GRM8: variants seen among roughly 807,000 people sequenced by gnomAD.
The protein encoded by GRM8 is glutamate metabotropic receptor 8, also known as metabotropic glutamate receptor 8.
In GRM8, 47 loss-of-function variants were observed where a neutral mutation model predicts 87.2. That is an observed-to-expected ratio of 0.54 (90% CI 0.43 to 0.69). GRM8 has a LOEUF of 0.69. GRM8 is among the 30% of genes least tolerant of loss of function. GRM8 has a pLI of 0.00. For missense variants in GRM8, 1,019 were observed against 1,139.2 expected (o/e 0.89, Z 1.52); for synonymous variants, 396 against 404.5 (o/e 0.98, Z 0.25).
At chr7:127,216,025 G>T (rs908173929) in intron 2 of GRM8, among the ~76,000 whole-genome samples, 1 of 152,162 alleles carries the variant, frequency 6.6e-6, no homozygotes, top group Non-Finnish European at 1.5e-5. Context: ...TTATGCCAAA[G>T]GATCAAATAA....
chr7:126,444,590 T>A (rs1801805861), intron 10 of GRM8, among the ~76,000 whole-genome samples: 1 of 152,082 alleles, frequency 6.6e-6, no homozygotes, highest in South Asian at 2.1e-4. Context: ...CTGAAACCAA[T>A]ATGTCTAATT....
At chr7:127,216,517 C>CAAAA (rs58730624) in intron 2 of GRM8, among the ~76,000 whole-genome samples, 2,667 of 62,892 alleles carry the variant, frequency 0.042, 210 homozygotes, top group Non-Finnish European at 0.067. Flanking sequence ...GACTCCGTCT[C>CAAAA]AAAAAAAAAA....
At chr7:126,655,610 T>C (rs1159114409) in intron 7 of GRM8, among the ~76,000 whole-genome samples, 1 of 152,222 alleles carries the variant, frequency 6.6e-6, no homozygotes, top group Non-Finnish European at 1.5e-5. Flanking sequence ...TTATCTCTGA[T>C]GGATACTATC....
intron 7 of GRM8, among the ~76,000 whole-genome samples, chr7:126,631,999 A>C (rs998814412): frequency 2.6e-5 from 4 of 152,232 alleles, no homozygotes; most frequent in Non-Finnish European, 5.9e-5. Flanking sequence ...AATCATCAAA[A>C]GCAATTGCAA....
At chr7:126,657,437 T>C (rs4380862) in intron 7 of GRM8, among the ~76,000 whole-genome samples, 104,695 of 151,626 alleles carry the variant, frequency 0.69, 36,957 homozygotes, top group African/African-American at 0.84. Context: ...AAAAGTCACA[T>C]ACAATTCCAA....
chr7:126,903,138 G>A (rs1439788131), intron 5 of GRM8, among the ~76,000 whole-genome samples: 3 of 152,086 alleles, frequency 2.0e-5, no homozygotes, highest in Non-Finnish European at 2.9e-5. Context: ...TCTGTTTTCA[G>A]GTAATTCAAT....
intron 2 of GRM8, among the ~76,000 whole-genome samples, chr7:127,108,134 G>A (rs1825991508): frequency 6.6e-6 from 1 of 152,084 alleles, no homozygotes; most frequent in South Asian, 2.1e-4. Context: ...TGCCTTCTCT[G>A]CCAGATATAC....
intron 7 of GRM8, among the ~76,000 whole-genome samples, chr7:126,710,937 C>T (rs1563113556): frequency 6.6e-6 from 1 of 152,182 alleles, no homozygotes; most frequent in Non-Finnish European, 1.5e-5. Flanking sequence ...TTTTGGGAGG[C>T]CAAGGCAGGT....
At chr7:126,974,232 A>T (rs189302055) in intron 3 of GRM8, among the ~76,000 whole-genome samples, 2 of 152,318 alleles carry the variant, frequency 1.3e-5, no homozygotes, top group East Asian at 3.9e-4. Context: ...AAAAGGCCCA[A>T]ATCTGAAACA....
chr7:126,963,564 T>C (rs1347527167), intron 3 of GRM8, among the ~76,000 whole-genome samples: 1 of 152,134 alleles, frequency 6.6e-6, no homozygotes, highest in Non-Finnish European at 1.5e-5. Context: ...GAACTCCCAT[T>C]CACAATTGCT....
intron 3 of GRM8, among the ~76,000 whole-genome samples, chr7:127,076,552 G>A (rs117735417): frequency 0.01 from 1,596 of 152,100 alleles, 11 homozygotes; most frequent in Non-Finnish European, 0.013. Context: ...TTATTCCTAA[G>A]TTTCCTCCAT....
At chr7:126,843,022 A>G (rs1796412878) in intron 6 of GRM8, among the ~76,000 whole-genome samples, 1 of 152,224 alleles carries the variant, frequency 6.6e-6, no homozygotes, top group Admixed American at 6.5e-5. Flanking sequence ...TAATTTGCAA[A>G]CAATTGTTCA....
intron 3 of GRM8, among the ~76,000 whole-genome samples, chr7:127,001,334 A>G (rs1290545819): frequency 6.6e-6 from 1 of 151,668 alleles, no homozygotes; most frequent in African/African-American, 2.4e-5. Flanking sequence ...GTGATAAATT[A>G]TATCAATTCG....
chr7:127,081,321 T>C (rs1822845526), intron 3 of GRM8, among the ~76,000 whole-genome samples: 2 of 152,172 alleles, frequency 1.3e-5, no homozygotes, highest in South Asian at 4.1e-4. Flanking sequence ...GGATGGTCCC[T>C]AGAGCCCTTT....
intron 7 of GRM8, among the ~76,000 whole-genome samples, chr7:126,730,732 G>C (rs1813496003): frequency 6.6e-6 from 1 of 151,942 alleles, no homozygotes; most frequent in African/African-American, 2.4e-5. Context: ...TAAATATGAG[G>C]CTCAATATGG....
chr7:126,870,056 G>A (rs1798958436), intron 6 of GRM8: 1 of 151,010 alleles, frequency 6.6e-6, no homozygotes, highest in South Asian at 2.1e-4. Flanking sequence ...AAAACTTGCT[G>A]AAGTTTGTAC....
chr7:127,046,505 T>TA (rs1818946593), intron 3 of GRM8, among the ~76,000 whole-genome samples: 1 of 152,236 alleles, frequency 6.6e-6, no homozygotes, highest in South Asian at 2.1e-4. Context: ...TCGCTGTGCC[T>TA]CAGTTTTCTC....
chr7:126,750,867 A>AAT (rs1480327273), intron 7 of GRM8, among the ~76,000 whole-genome samples: 10 of 152,076 alleles, frequency 6.6e-5, no homozygotes, highest in Non-Finnish European at 1.5e-4. Context: ...TAGAGGTGGT[A>AAT]TACCTTAATT....
chr7:127,096,558 T>TAA (rs11315693), intron 3 of GRM8, among the ~76,000 whole-genome samples: 4 of 140,506 alleles, frequency 2.8e-5, no homozygotes, highest in African/African-American at 1.1e-4. Flanking sequence ...AGACTGGGTC[T>TAA]AAAAAAAAAA....
Sources: gnomAD v4.1 joint callset for allele counts (sites outside exome capture counted in the v4.1 genomes callset) on GRCh38, gnomAD v4.1.1 for gene constraint, MANE v1.5 for transcripts, NCBI Gene and HGNC (gene_info 2026-07-23, HGNC 2026-07-21) for gene names.